ADNP2: variants seen among roughly 807,000 people sequenced by gnomAD.
ADNP2 encodes the protein activity-dependent neuroprotector homeobox protein 2.
ADNP2 carries 8 observed loss-of-function variants against 16.4 expected under a neutral mutation model. That is an observed-to-expected ratio of 0.49 (90% CI 0.29 to 0.88). The LOEUF (loss-of-function observed/expected upper bound fraction) is 0.88. Ranked by LOEUF, ADNP2 falls within the 40% of genes least tolerant of loss-of-function variation. The pLI is 0.09. For synonymous variants in ADNP2, 637 were observed against 545.8 expected (o/e 1.17, Z -2.33); for missense variants, 1,397 against 1,395.1 (o/e 1.00, Z -0.02).
chr18:80,132,990 G>C, intron 2 of ADNP2, 113 bp from the exon 3 acceptor site: 1 of 776,704 alleles, frequency 1.3e-6, no homozygotes, highest in Non-Finnish European at 2.1e-6. Flanking sequence ...CAAAGTGCTG[G>C]GATTACAAGC....
At chr18:80,131,228 T>C (rs1484839689) in intron 2 of ADNP2, among the ~76,000 whole-genome samples, 1 of 152,200 alleles carries the variant, frequency 6.6e-6, no homozygotes, top group Non-Finnish European at 1.5e-5. Flanking sequence ...CGTGCTCCTC[T>C]TCTCTCCATG....
chr18:80,134,495 C>T (rs2052519553), intron 3 of ADNP2, among the ~76,000 whole-genome samples: 1 of 151,742 alleles, frequency 6.6e-6, no homozygotes, highest in Admixed American at 6.6e-5. Context: ...AGTACCACAG[C>T]CAGCTCTGGG....
chr18:80,114,605 A>G (rs2052377769), intron 1 of ADNP2, among the ~76,000 whole-genome samples: 1 of 152,256 alleles, frequency 6.6e-6, no homozygotes, highest in Admixed American at 6.5e-5. Flanking sequence ...AAATCAGGAA[A>G]TCACTACATT....
chr18:80,116,116 G>C (rs1304780621), intron 1 of ADNP2, among the ~76,000 whole-genome samples: 2 of 152,268 alleles, frequency 1.3e-5, no homozygotes, highest in South Asian at 2.1e-4. Flanking sequence ...CACATAAATA[G>C]AATCATACAA....
chr18:80,111,558 T>C (rs2145187659), intron 1 of ADNP2, among the ~76,000 whole-genome samples: 1 of 138,262 alleles, frequency 7.2e-6, no homozygotes, highest in Non-Finnish European at 1.5e-5. Flanking sequence ...CTGTATTACC[T>C]GAATGACATT....
intron 1 of ADNP2, among the ~76,000 whole-genome samples, chr18:80,116,094 T>C (rs771344207): frequency 3.9e-5 from 6 of 152,230 alleles, no homozygotes; most frequent in Non-Finnish European, 7.3e-5. Flanking sequence ...GATTTGCCTG[T>C]TCTGGACACT....
chr18:80,136,874 C>T lies in ADNP2; in HGVS notation c.1461C>T (p.Leu487=). 1 of 1,613,918 alleles carries T rather than the reference C, an allele frequency of 6.2e-7. No individual in the cohort carries two copies. Among genetic ancestry groups the T allele is most frequent in the Non-Finnish European group, 8.5e-7 (1 of 1,179,936 alleles). ...GCCAGATGGTCCAGTCAGGAGTTCTCCCTGTGGGCCAGACAGCTCCGTCAC... is the reference window on the plus strand; with the variant it reads ...GCCAGATGGTCCAGTCAGGAGTTCTTCCTGTGGGCCAGACAGCTCCGTCAC... ...PTGQMVQSGV[L]PVGQTAPSRV... Residue 487 remains leucine (L), a synonymous_variant, in exon 4 of 4, where the codon CTC becomes CTT. Coordinates refer to ENST00000262198, the MANE Select transcript of ADNP2 (RefSeq NM_014913.4).
intron 3 of ADNP2, chr18:80,133,912 A>T (rs2052514661): frequency 6.6e-6 from 1 of 152,094 alleles, no homozygotes; most frequent in African/African-American, 2.4e-5. Flanking sequence ...AGCTCACTGC[A>T]GCCTTGACCT....
intron 1 of ADNP2, among the ~76,000 whole-genome samples, chr18:80,112,528 A>G (rs933919074): frequency 6.6e-6 from 1 of 152,120 alleles, no homozygotes; most frequent in Non-Finnish European, 1.5e-5. Context: ...AAGGGCCACA[A>G]TAACGATGAA....
At position 80,136,377 on chromosome 18, in the gene ADNP2, TC is replaced by T. The variant is rs772825390; in HGVS notation, c.971del (p.Pro324LeufsTer8). On this transcript the variant is annotated frameshift_variant, in exon 4 of 4. Coordinates refer to ENST00000262198, the MANE Select transcript of ADNP2 (RefSeq NM_014913.4). LOFTEE classifies it low-confidence loss of function (END_TRUNC). The stretch of plus-strand genomic sequence containing the variant: ...GGGTGCCCCTGGAAGCCTCACTCAT[TC>T]CCCCCCTGCTGCTGGCCAATCCCAC... ...AQGAPGSLTH[S>X]PPAAGQSHMT... The T allele has an allele frequency of 3.7e-6, 6 of 1,613,182 alleles. No homozygotes were observed. The highest frequency in any genetic ancestry group is 1.7e-5 in the Admixed American group (1 of 59,930).
rs751670374 is a variant in ADNP2, at chr18:80,136,975, C to T, written c.1562C>T (p.Ser521Phe). 4 of 1,613,826 alleles carry T rather than the reference C, an allele frequency of 2.5e-6. No homozygotes were observed. The African/African-American group carries it at 4.0e-5, about 16-fold the overall frequency. The change falls in exon 4 of 4, where the codon TCT becomes TTT. Residue 521 changes from serine to phenylalanine, a missense_variant. Physicochemically the swap from Ser to Phe is radical, Grantham distance 155 (BLOSUM62 -2). Transcript: ENST00000262198. ...CAGGTGGTCCCGTCTGGGCTTCTTT[C>T]TCCCAACCAGACAGTCTCCTCCTCA... ...AGQVVPSGLLSPNQTVSSSAV... is the reference protein window; with the variant it reads ...AGQVVPSGLLFPNQTVSSSAV...
chr18:80,126,284 A>T (rs118110464), intron 2 of ADNP2, among the ~76,000 whole-genome samples: 1 of 151,912 alleles, frequency 6.6e-6, no homozygotes, highest in African/African-American at 2.4e-5. Context: ...TTTCTTCCAC[A>T]TGTTAGAAAT....
chr18:80,120,854 C>T (rs1256393758), intron 2 of ADNP2, among the ~76,000 whole-genome samples: 3 of 152,090 alleles, frequency 2.0e-5, no homozygotes, highest in Non-Finnish European at 4.4e-5. Flanking sequence ...GGGGTTTCAC[C>T]ATGTTGGCCA....
chr18:80,133,594 T>C, intron 3 of ADNP2: 1 of 185,232 alleles, frequency 5.4e-6, no homozygotes, highest in South Asian at 1.1e-4. Context: ...TTTAAGTAAT[T>C]AGAAACCTCA....
intron 1 of ADNP2, chr18:80,109,749 G>A (rs1465134844): frequency 6.6e-6 from 1 of 151,106 alleles, no homozygotes; most frequent in Non-Finnish European, 1.5e-5. Flanking sequence ...GGCCGCCCCG[G>A]GAGGGCGGAG....
chr18:80,134,898 T>C (rs1599820895), intron 3 of ADNP2, among the ~76,000 whole-genome samples: 1 of 152,296 alleles, frequency 6.6e-6, no homozygotes, highest in East Asian at 1.9e-4. Flanking sequence ...GGCTCCTACC[T>C]TCTCTAGAAA....
intron 1 of ADNP2, among the ~76,000 whole-genome samples, chr18:80,115,538 T>C (rs1359058676): frequency 6.6e-6 from 1 of 152,220 alleles, no homozygotes; most frequent in Non-Finnish European, 1.5e-5. Context: ...ATGAGTTCAC[T>C]TCAGTAACCC....
intron 3 of ADNP2, among the ~76,000 whole-genome samples, chr18:80,134,607 C>CA (rs1395418063): frequency 1.3e-5 from 2 of 151,868 alleles, no homozygotes; most frequent in Non-Finnish European, 2.9e-5. Flanking sequence ...GTCATGAGAC[C>CA]AAAGATTTCA....
Position 80,139,025 on chromosome 18 carries a change from C to T in ADNP2, c.*216C>T. On this transcript the variant is annotated 3_prime_UTR_variant, in exon 4 of 4. Coordinates refer to ENST00000262198, the MANE Select transcript of ADNP2 (RefSeq NM_014913.4). Reference sequence around the variant, plus strand: ...TCCTGCAGTTTGATTTGTAACAGAACAGTTGTTTTCAGGTTTTTTTCTCTG... The same window carrying T: ...TCCTGCAGTTTGATTTGTAACAGAATAGTTGTTTTCAGGTTTTTTTCTCTG... The T allele has an allele frequency of 2.4e-6, 1 of 408,324 alleles. No homozygotes were observed. Among genetic ancestry groups the T allele is most frequent in the Non-Finnish European group, 4.2e-6 (1 of 236,102 alleles). The allele number at this position is 408,324 out of a possible 1,614,324, so 25.3% of individuals were successfully genotyped here. A position where few individuals can be genotyped will look rare whatever the true frequency, so the allele number is the denominator to read the frequency against.
Sources: gnomAD v4.1 joint callset for allele counts (sites outside exome capture counted in the v4.1 genomes callset) on GRCh38, gnomAD v4.1.1 for gene constraint, MANE v1.5 for transcripts, NCBI Gene and HGNC (gene_info 2026-07-23, HGNC 2026-07-21) for gene names.